Variants in PRKN observed in about 807,000 individuals in gnomAD.
PRKN encodes E3 ubiquitin-protein ligase parkin.
PRKN carries 56 observed loss-of-function variants against 59.5 expected under a neutral mutation model. The observed-to-expected ratio is 0.94, with a 90% CI of 0.76 to 1.18. PRKN has a LOEUF of 1.18. Among genes scored for constraint, PRKN ranks in the 50% most tolerant of loss-of-function variants. PRKN has a pLI of 0.00. For synonymous variants in PRKN, 250 were observed against 222.1 expected, an observed-to-expected ratio of 1.13 and a Z score of -1.12; for missense variants, 657 against 596.4, an observed-to-expected ratio of 1.10 and a Z score of -1.06.
chr6:161,655,525 G>A (rs1420062584), intron 7 of PRKN, among the ~76,000 whole-genome samples: 1 of 152,228 alleles, frequency 6.6e-6, no homozygotes, highest in African/African-American at 2.4e-5. Context: ...TCAGCACATG[G>A]AAGAAGAGAA....
rs1784746271 is a variant in PRKN, at chr6:161,356,304, G to C, written c.1285+3784C>G. On this transcript the variant is annotated intron_variant, in intron 11 of 11. Transcript: ENST00000366898. This position sits in a 1 kb window ranked among gnomAD's most constrained non-coding sequence, Gnocchi z 7.8. ...GGGTGGTAAGGGGCGGTCTGACTGA[G>C]AAGAGGTCAGCTGGGGTAAGATCTG... 6.6e-6 allele frequency among the ~76,000 whole-genome samples: 1 copy of C among 152,172 alleles called. No homozygotes were observed. The highest frequency in any genetic ancestry group is 1.5e-5 in the Non-Finnish European group (1 of 68,038).
chr6:161,420,455 C>A (rs977483951), intron 9 of PRKN, among the ~76,000 whole-genome samples: 9 of 152,072 alleles, frequency 5.9e-5, no homozygotes, highest in African/African-American at 2.2e-4. Context: ...ACTGTTGGTG[C>A]CAGGCATGGC....
intron 4 of PRKN, among the ~76,000 whole-genome samples, chr6:162,164,254 G>A (rs1583134418): frequency 6.7e-6 from 1 of 149,114 alleles, no homozygotes; most frequent in East Asian, 1.9e-4. Context: ...GTTTGGAGAC[G>A]GTCTTGCTCT....
At chr6:162,250,589 T>C (rs1012345839) in intron 3 of PRKN, among the ~76,000 whole-genome samples, 1 of 152,242 alleles carries the variant, frequency 6.6e-6, no homozygotes, top group African/African-American at 2.4e-5. Context: ...TCACATGGCA[T>C]CAGCCAGATT....
chr6:162,422,300 AC>A (rs1789009884), intron 2 of PRKN, among the ~76,000 whole-genome samples: 1 of 152,224 alleles, frequency 6.6e-6, no homozygotes, highest in African/African-American at 2.4e-5. Flanking sequence ...TGGTCCAAAT[AC>A]CATTTCTGCT....
intron 1 of PRKN, among the ~76,000 whole-genome samples, chr6:162,534,784 A>G (rs1418053498): frequency 6.6e-6 from 1 of 152,132 alleles, no homozygotes; most frequent in East Asian, 1.9e-4. Context: ...TGTGTGGAGA[A>G]GAGCCATGCA....
At chr6:161,844,335 T>C (rs1339043331) in intron 6 of PRKN, among the ~76,000 whole-genome samples, 1 of 152,200 alleles carries the variant, frequency 6.6e-6, no homozygotes, top group Non-Finnish European at 1.5e-5. Flanking sequence ...GGGAGTAGAA[T>C]AGTTTGCCTC....
intron 4 of PRKN, among the ~76,000 whole-genome samples, chr6:162,062,072 G>A (rs995909747): frequency 6.6e-6 from 1 of 152,178 alleles, no homozygotes; most frequent in Non-Finnish European, 1.5e-5. Flanking sequence ...AGGTAGTCAT[G>A]TGAGATAAAT....
At chr6:161,897,596 A>G (rs759626187) in intron 6 of PRKN, among the ~76,000 whole-genome samples, 3 of 152,220 alleles carry the variant, frequency 2.0e-5, no homozygotes, top group Non-Finnish European at 2.9e-5. Context: ...GCAATTGTTT[A>G]AAAATAATTT....
chr6:161,443,681 A>T (rs1239110273), intron 9 of PRKN, among the ~76,000 whole-genome samples: 5 of 150,506 alleles, frequency 3.3e-5, no homozygotes, highest in African/African-American at 9.9e-5. Context: ...ATAACCATTT[A>T]AAAAAAAAGA....
intron 9 of PRKN, among the ~76,000 whole-genome samples, chr6:161,394,998 G>A (rs1049084887): frequency 1.3e-5 from 2 of 152,082 alleles, no homozygotes; most frequent in African/African-American, 4.8e-5. Context: ...CATTTGCAGA[G>A]TCATGGATTT....
At chr6:161,902,588 C>G (rs1463426286) in intron 6 of PRKN, among the ~76,000 whole-genome samples, 1 of 45,506 alleles carries the variant, frequency 2.2e-5, no homozygotes, top group East Asian at 7.2e-4. Flanking sequence ...GCGACAGAGT[C>G]TTGCTCTGTT....
At chr6:162,428,985 ATAAGG>A (rs1222383959) in intron 2 of PRKN, among the ~76,000 whole-genome samples, 8 of 152,190 alleles carry the variant, frequency 5.3e-5, no homozygotes, top group African/African-American at 1.9e-4. Context: ...AATTTCCAAT[ATAAGG>A]TAGTGTCACC....
intron 7 of PRKN, among the ~76,000 whole-genome samples, chr6:161,573,137 T>C (rs1326930805): frequency 6.6e-6 from 1 of 151,950 alleles, no homozygotes; most frequent in East Asian, 1.9e-4. Flanking sequence ...GGAGAAGTTG[T>C]GGGGGAAGGG....
At chr6:162,420,521 A>AG (rs1204677885) in intron 2 of PRKN, among the ~76,000 whole-genome samples, 19 of 152,314 alleles carry the variant, frequency 1.2e-4, no homozygotes, top group Non-Finnish European at 2.6e-4. Context: ...GGGAGATTTC[A>AG]GGGGAGCCCC....
intron 6 of PRKN, among the ~76,000 whole-genome samples, chr6:161,890,079 C>T (rs915551350): frequency 1.3e-5 from 2 of 152,148 alleles, no homozygotes; most frequent in African/African-American, 4.8e-5. Context: ...CAGCTCCCAA[C>T]TTCTATTATT....
rs1399858072 is a variant in PRKN at position 161,530,682 on chromosome 6, AT to A, written c.1083+18171del. ...AGGCATTTACCACCACGCCTGGCTA[AT>A]TTTTTTCTATTTTTAGTGGAGACGG... On this transcript the variant is annotated intron_variant, in intron 9 of 11. Coordinates refer to ENST00000366898, the MANE Select transcript of PRKN (RefSeq NM_004562.3). This position sits in a 1 kb window ranked among gnomAD's most constrained non-coding sequence, Gnocchi z 5.0. 6.6e-6 allele frequency among the ~76,000 whole-genome samples: 1 copy of A among 151,356 alleles called. No individual in the cohort carries two copies. The highest frequency in any genetic ancestry group is 1.5e-5 in the Non-Finnish European group (1 of 67,862).
intron 4 of PRKN, among the ~76,000 whole-genome samples, chr6:162,141,823 A>G: frequency 6.6e-6 from 1 of 152,212 alleles, no homozygotes; most frequent in South Asian, 2.1e-4. Flanking sequence ...CCATTGTCCC[A>G]TTTGATGGAA....
At chr6:162,487,686 A>G (rs1166335619) in intron 1 of PRKN, among the ~76,000 whole-genome samples, 1 of 152,060 alleles carries the variant, frequency 6.6e-6, no homozygotes, top group Non-Finnish European at 1.5e-5. Flanking sequence ...TTTTTTTTTT[A>G]AGTGAAGAAT....
Sources: gnomAD v4.1 joint callset for allele counts (sites outside exome capture counted in the v4.1 genomes callset) on GRCh38, gnomAD v4.1.1 for gene constraint, Gnocchi (gnomAD v3.1) non-coding constraint, MANE v1.5 for transcripts, NCBI Gene and HGNC (gene_info 2026-07-23, HGNC 2026-07-21) for gene names.